DYTN: variants seen among roughly 807,000 people sequenced by gnomAD.
The protein encoded by DYTN is dystrotelin.
Under a neutral mutation model 69.6 loss-of-function variants are expected in DYTN, and 75 were observed. The observed-to-expected ratio is 1.08, with a 90% CI of 0.89 to 1.31. The LOEUF is 1.31. Among genes scored for constraint, DYTN ranks in the 50% most tolerant of loss-of-function variants. DYTN has a pLI of 0.00. For missense variants in DYTN, 726 were observed against 688.4 expected, an observed-to-expected ratio of 1.05 and a Z score of -0.61; for synonymous variants, 252 against 249.1, an observed-to-expected ratio of 1.01 and a Z score of -0.11.
intron 11 of DYTN, among the ~76,000 whole-genome samples, chr2:206,657,378 A>G (rs761069956): frequency 3.9e-5 from 6 of 152,130 alleles, no homozygotes; most frequent in Admixed American, 6.5e-5. Flanking sequence ...TACTAGCTTC[A>G]ATCAGTTCCC....
In DYTN at chr2:206,688,140, CAGGGTT is replaced by C. The variant is rs78107711; in HGVS notation, c.980+5029_980+5034del. Among the ~76,000 whole-genome samples the C allele has an allele frequency of 9.5e-3, 1,450 of 152,238 alleles. 17 individuals are homozygous for C. The highest frequency in any genetic ancestry group is 0.016 in the Non-Finnish European group (1,095 of 68,008). On this transcript the variant is annotated intron_variant, in intron 9 of 11. Transcript: ENST00000452335. ...GAACCCATTGTTCCTAGAGAAAATACAGGGTTAGGTTCCTGCAAGCCTCTGGCCACA... is the reference window on the plus strand; with the variant it reads ...GAACCCATTGTTCCTAGAGAAAATACAGGTTCCTGCAAGCCTCTGGCCACA...
In DYTN at chr2:206,700,161, C is replaced by A; in HGVS notation, c.539G>T (p.Arg180Leu). The part of the protein sequence containing the change: ...RALCPVESAT[R>L]SCFQGVLSPA... ...GGCACTCACCCCTTGGAAACAGCTGCGGGTGGCACTTTCCACAGGGCACAG... is the reference window on the plus strand; with the variant it reads ...GGCACTCACCCCTTGGAAACAGCTGAGGGTGGCACTTTCCACAGGGCACAG... The change falls in exon 6 of 12, where the codon CGC (arginine) becomes CTC (leucine). Residue 180 changes from arginine to leucine, a missense_variant. Coordinates refer to ENST00000452335, the MANE Select transcript of DYTN (RefSeq NM_001093730.1). 1 of 1,613,920 alleles carries A rather than the reference C, an allele frequency of 6.2e-7. No individual in the cohort carries two copies.
chr2:206,678,331 A>G (rs1177366624), intron 9 of DYTN, among the ~76,000 whole-genome samples: 1 of 152,248 alleles, frequency 6.6e-6, no homozygotes, highest in African/African-American at 2.4e-5. Flanking sequence ...CTTGTGAGAA[A>G]GGTGCTACAT....
intron 10 of DYTN, among the ~76,000 whole-genome samples, chr2:206,664,024 A>G (rs1328371540): frequency 2.6e-5 from 4 of 152,198 alleles, no homozygotes; most frequent in Non-Finnish European, 5.9e-5. Context: ...CAGCATCACC[A>G]AACAGTGCTA....
chr2:206,666,824 G>A (rs942271923), intron 9 of DYTN, among the ~76,000 whole-genome samples: 2 of 146,540 alleles, frequency 1.4e-5, no homozygotes, highest in Non-Finnish European at 3.0e-5. Flanking sequence ...CCAGGAAATT[G>A]AGACCAGCCT....
intron 9 of DYTN, among the ~76,000 whole-genome samples, chr2:206,669,896 AC>A (rs908990881): frequency 6.6e-6 from 1 of 152,220 alleles, no homozygotes; most frequent in African/African-American, 2.4e-5. Context: ...ATCTCATCAT[AC>A]ATATATACAT....
chr2:206,656,284 A>G (rs900783170), intron 11 of DYTN, among the ~76,000 whole-genome samples: 1 of 152,160 alleles, frequency 6.6e-6, no homozygotes, highest in African/African-American at 2.4e-5. Flanking sequence ...ATTTTGTCTC[A>G]TATAACTATA....
In DYTN at chr2:206,699,783, C is replaced by T; in HGVS notation, c.663G>A (p.Arg221=). 1 of 1,613,766 alleles carries T rather than the reference C, an allele frequency of 6.2e-7. No homozygotes were observed. Among genetic ancestry groups the T allele is most frequent in the Non-Finnish European group, 8.5e-7 (1 of 1,179,806 alleles). ...GAGTGCACCGAGCAGGGTGAGTGAC[C>T]CTTTCAGCAGCTGATAACCGGTGGC... ...PTCHRLSAAE[R]VTHPARCTLC... is the part of the protein sequence containing the mutation. Residue 221 remains arginine, a synonymous_variant, in exon 7 of 12, where the codon AGG becomes AGA. Coordinates refer to ENST00000452335, the MANE Select transcript of DYTN (RefSeq NM_001093730.1).
intron 9 of DYTN, among the ~76,000 whole-genome samples, chr2:206,680,927 A>G (rs1265978468): frequency 6.6e-6 from 1 of 152,194 alleles, no homozygotes; most frequent in East Asian, 1.9e-4. Flanking sequence ...AAGAATGTCA[A>G]TGGTAGTTTG....
In DYTN at chr2:206,651,662, T is replaced by C; in HGVS notation, c.*156A>G. ...TTCACTCTGAACTGCAGAACTAAGA[T>C]ACATAAGTAGGGAGGGAGATCAAAA... On this transcript the variant is annotated 3_prime_UTR_variant, in exon 12 of 12. Coordinates refer to ENST00000452335, the MANE Select transcript of DYTN (RefSeq NM_001093730.1). 1.6e-6 allele frequency: 1 copy of C among 625,802 alleles called. No individual in the cohort carries two copies. The highest frequency in any genetic ancestry group is 2.8e-6 in the Non-Finnish European group (1 of 357,874). The allele number at this position is 625,802 out of a possible 1,614,324, so 38.8% of individuals were successfully genotyped here. A position where few individuals can be genotyped will look rare whatever the true frequency, so the allele number is the denominator to read the frequency against.
At chr2:206,670,549 T>C (rs1381876011) in intron 9 of DYTN, 1 of 152,194 alleles carries the variant, frequency 6.6e-6, no homozygotes, top group African/African-American at 2.4e-5. Context: ...TCATTCCTAG[T>C]GCTGACCATG....
chr2:206,692,206 A>C (rs1699870855), intron 9 of DYTN, among the ~76,000 whole-genome samples: 1 of 151,746 alleles, frequency 6.6e-6, no homozygotes, highest in Non-Finnish European at 1.5e-5. Context: ...CCAAGGTTGC[A>C]GTCAGCTATG....
intron 9 of DYTN, among the ~76,000 whole-genome samples, chr2:206,672,192 T>G (rs902766250): frequency 6.6e-6 from 1 of 152,210 alleles, no homozygotes; most frequent in Non-Finnish European, 1.5e-5. Flanking sequence ...TATTTTAACT[T>G]CTTATACGTC....
chr2:206,687,016 A>C (rs1699817853), intron 9 of DYTN: 2 of 158,172 alleles, frequency 1.3e-5, no homozygotes, highest in South Asian at 3.9e-4. Flanking sequence ...GCCTCATGTC[A>C]CAGCGTAGTG....
intron 9 of DYTN, among the ~76,000 whole-genome samples, chr2:206,683,361 T>C: frequency 7.9e-6 from 1 of 126,618 alleles, no homozygotes; most frequent in Admixed American, 8.2e-5. Context: ...TTTTTTTTTT[T>C]GAGATGGAGT....
intron 9 of DYTN, among the ~76,000 whole-genome samples, chr2:206,685,222 C>T (rs942836083): frequency 6.6e-6 from 1 of 151,894 alleles, no homozygotes; most frequent in South Asian, 2.1e-4. Flanking sequence ...AGTGCAGCAG[C>T]GCAATCACTG....
In DYTN at chr2:206,694,805, G is replaced by A; in HGVS notation, c.792C>T (p.Ser264=). Residue 264 remains serine (S), a synonymous_variant, in exon 8 of 12, where the codon TCC becomes TCT. Transcript: ENST00000452335. ...MCFLSGLHSK[S]HQKSHPVIEH... is the part of the protein sequence containing the mutation. ...CAATGACAGGATGAGACTTCTGATG[G>A]GACTTGCTGTGAAGACCAGATAAGA... The A allele has an allele frequency of 1.2e-6, 2 of 1,610,484 alleles. No homozygotes were observed. Among genetic ancestry groups the A allele is most frequent in the Non-Finnish European group, 1.7e-6 (2 of 1,178,850 alleles).
chr2:206,693,061 C>T, intron 9 of DYTN, 114 bp downstream of exon 9: 1 of 1,398,494 alleles, frequency 7.2e-7, no homozygotes, highest in African/African-American at 1.5e-5. Flanking sequence ...CCTCACCCCT[C>T]CTCCTGCCTT....
At chr2:206,673,340 C>A (rs982972763) in intron 9 of DYTN, among the ~76,000 whole-genome samples, 26 of 152,148 alleles carry the variant, frequency 1.7e-4, no homozygotes, top group African/African-American at 6.3e-4. Context: ...TCACTGCAAC[C>A]TCCTCCTTCT....
Sources: allele counts gnomAD v4.1 joint callset (sites outside exome capture counted in the v4.1 genomes callset), GRCh38; gene constraint gnomAD v4.1.1; transcripts MANE v1.5; gene names NCBI Gene and HGNC (gene_info 2026-07-23, HGNC 2026-07-21).